PTPRM: variants seen among roughly 807,000 people sequenced by gnomAD.
PTPRM encodes the protein protein tyrosine phosphatase receptor type M, also known as receptor-type tyrosine-protein phosphatase mu.
In PTPRM, 47 loss-of-function variants were observed where a neutral mutation model predicts 186.7. The ratio of observed to expected loss-of-function variants is 0.25; its 90% CI spans 0.20 to 0.32. The LOEUF is 0.32. Among genes scored for constraint, PTPRM ranks in the 10% least tolerant of loss-of-function variants. The pLI, the probability that PTPRM is intolerant of heterozygous loss-of-function variation, is 1.00. For missense variants in PTPRM, 1,494 were observed against 1,865.0 expected, an observed-to-expected ratio of 0.80 and a Z score of 3.66; for synonymous variants, 668 against 674.9, an observed-to-expected ratio of 0.99 and a Z score of 0.16.
At chr18:7,686,662 G>T (rs1455652729) in intron 1 of PTPRM, among the ~76,000 whole-genome samples, 1 of 151,770 alleles carries the variant, frequency 6.6e-6, no homozygotes, top group Non-Finnish European at 1.5e-5. Context: ...TTTGTAAGGT[G>T]AATATAAACT....
intron 7 of PTPRM, among the ~76,000 whole-genome samples, chr18:7,999,385 C>T (rs977104442): frequency 6.6e-6 from 1 of 151,996 alleles, no homozygotes; most frequent in African/African-American, 2.4e-5. Flanking sequence ...GGTATATAAC[C>T]AGTATTTACC....
chr18:8,359,816 C>T (rs866403513), intron 23 of PTPRM, among the ~76,000 whole-genome samples: 33 of 152,268 alleles, frequency 2.2e-4, no homozygotes, highest in African/African-American at 7.5e-4. Flanking sequence ...CTGCAATAGT[C>T]TGCCTTCCTT....
Position 8,387,172 on chromosome 18 carries a change from G to A in PTPRM, c.4145G>A (p.Arg1382His), listed in dbSNP as rs145737173. 1.5e-5 allele frequency: 25 copies of A among 1,613,676 alleles called. No individual in the cohort carries two copies. Among genetic ancestry groups the A allele is most frequent in the Admixed American group, 8.3e-5 (5 of 60,022 alleles). ...AAGCGCTCCTTCTTGAAGCTCATTCGCCAGGTGGACAAGTGGCAAGAGGAG... is the reference window on the plus strand; with the variant it reads ...AAGCGCTCCTTCTTGAAGCTCATTCACCAGGTGGACAAGTGGCAAGAGGAG... Reference protein sequence around the residue: ...VSKRSFLKLIRQVDKWQEEYN... With the variant: ...VSKRSFLKLIHQVDKWQEEYN... The change falls in exon 31 of 33, where the codon CGC becomes CAC. Residue 1382 changes from arginine to histidine, a missense_variant. By Grantham distance (29) the Arg-to-His change is conservative (BLOSUM62 0). This residue lies in a region of PTPRM where 1,107 missense variants were observed against 1,350.2 expected (regional missense o/e 0.82). Transcript: ENST00000580170.
At chr18:8,282,680 AT>A (rs1273973682) in intron 19 of PTPRM, among the ~76,000 whole-genome samples, 1 of 152,166 alleles carries the variant, frequency 6.6e-6, no homozygotes, top group Non-Finnish European at 1.5e-5. Context: ...AACAGCAACA[AT>A]AACAACAACA....
chr18:7,871,613 T>G (rs2146188813), intron 2 of PTPRM, among the ~76,000 whole-genome samples: 1 of 152,280 alleles, frequency 6.6e-6, no homozygotes, highest in African/African-American at 2.4e-5. Flanking sequence ...CCCAGCCTGT[T>G]CTCCATCTGT....
intron 4 of PTPRM, among the ~76,000 whole-genome samples, chr18:7,914,065 T>C (rs1483987320): frequency 6.6e-6 from 1 of 152,168 alleles, no homozygotes; most frequent in East Asian, 1.9e-4. Flanking sequence ...TTTAGATTTT[T>C]TAATGAAGAT....
chr18:7,979,711 C>A (rs1044145757), intron 7 of PTPRM, among the ~76,000 whole-genome samples: 1 of 152,164 alleles, frequency 6.6e-6, no homozygotes, highest in African/African-American at 2.4e-5. Flanking sequence ...CAGGCACTGG[C>A]ATTTTGTGTT....
intron 13 of PTPRM, among the ~76,000 whole-genome samples, chr18:8,135,614 C>A (rs2092620086): frequency 6.6e-6 from 1 of 152,120 alleles, no homozygotes; most frequent in South Asian, 2.1e-4. Flanking sequence ...AAACACAACG[C>A]CACAATAAAT....
intron 4 of PTPRM, among the ~76,000 whole-genome samples, chr18:7,909,497 T>C (rs574910324): frequency 6.6e-6 from 1 of 152,326 alleles, no homozygotes; most frequent in South Asian, 2.1e-4. Context: ...GGGGGAAGCA[T>C]GCAAATAAAG....
chr18:8,396,874 A>G (rs1177553017), intron 32 of PTPRM, among the ~76,000 whole-genome samples: 1 of 152,246 alleles, frequency 6.6e-6, no homozygotes, highest in Non-Finnish European at 1.5e-5. Flanking sequence ...CCAGAACTGA[A>G]TAGGACCTGT....
At chr18:7,782,338 GGAAGGAAGGAAGGAAA>G (rs1392923411) in intron 2 of PTPRM, among the ~76,000 whole-genome samples, 7 of 151,880 alleles carry the variant, frequency 4.6e-5, no homozygotes, top group East Asian at 3.9e-4. Context: ...ATGTTAATTA[GGAAGGAAGGAAGGAAA>G]GAAGGAAGGA....
chr18:8,244,079 A>G lies in PTPRM; in HGVS notation c.2322A>G (p.Lys774=). 4.3e-6 allele frequency: 7 copies of G among 1,609,804 alleles called. No homozygotes were observed. Among genetic ancestry groups the G allele is most frequent in the South Asian group, 1.1e-5 (1 of 89,858 alleles). ...TAAGGAAACTGGCCAAGAAGCGGAA[A>G]GAGACCATGAGCAGCACCCGACAGG... ...MKKRKLAKKR[K]ETMSSTRQEM... is the part of the protein sequence containing the mutation. The change falls in exon 15 of 33, where the codon AAA becomes AAG. Residue 774 remains lysine, a synonymous_variant. Transcript: ENST00000580170.
chr18:7,752,448 T>G (rs1389002580), intron 1 of PTPRM, among the ~76,000 whole-genome samples: 1 of 151,928 alleles, frequency 6.6e-6, no homozygotes. Context: ...TAAGACGGAG[T>G]CTCTTGCTCT....
rs1028172568 is a variant in PTPRM at position 8,389,575 on chromosome 18, C to G, written c.4208+2340C>G. On this transcript the variant is annotated intron_variant, in intron 31 of 32. Transcript: ENST00000580170. ...TTGATTATTCTTTGGAATACTCCCC[C>G]CTCCCTAAAGCCCCGCCTCTGTTCA... is the stretch of plus-strand genomic sequence containing the variant. 2.0e-5 allele frequency among the ~76,000 whole-genome samples: 3 copies of G among 152,330 alleles called. 1 individual carries two copies. In the Middle Eastern group the frequency reaches 0.01, roughly 518 times the overall value.
At chr18:7,620,813 A>T (rs1197760677) in intron 1 of PTPRM, among the ~76,000 whole-genome samples, 1 of 152,216 alleles carries the variant, frequency 6.6e-6, no homozygotes, top group African/African-American at 2.4e-5. Context: ...GTGATTAAAT[A>T]GGCATAGTTG....
chr18:7,685,634 G>A (rs1173571749), intron 1 of PTPRM, among the ~76,000 whole-genome samples: 1 of 152,132 alleles, frequency 6.6e-6, no homozygotes, highest in Non-Finnish European at 1.5e-5. Context: ...GGCAAATGTA[G>A]CATTACCATG....
At chr18:8,286,093 A>C (rs180775823) in intron 19 of PTPRM, among the ~76,000 whole-genome samples, 1 of 152,338 alleles carries the variant, frequency 6.6e-6, no homozygotes, top group African/African-American at 2.4e-5. Flanking sequence ...TGAGGGGATG[A>C]GGGAAGTGCT....
chr18:7,852,137 C>T (rs954198971), intron 2 of PTPRM, among the ~76,000 whole-genome samples: 23 of 152,204 alleles, frequency 1.5e-4, no homozygotes, highest in African/African-American at 5.5e-4. Context: ...CAATAGAGAG[C>T]TCAAACCCAA....
At chr18:7,856,935 G>A (rs1246879838) in intron 2 of PTPRM, among the ~76,000 whole-genome samples, 1 of 152,134 alleles carries the variant, frequency 6.6e-6, no homozygotes, top group Non-Finnish European at 1.5e-5. Context: ...AGAGCAAAAT[G>A]GGAGCATTAT....
Sources: gnomAD v4.1 joint callset for allele counts (sites outside exome capture counted in the v4.1 genomes callset) on GRCh38, gnomAD v4.1.1 for gene constraint, gnomAD v4.1.1 regional missense constraint, MANE v1.5 for transcripts, NCBI Gene and HGNC (gene_info 2026-07-23, HGNC 2026-07-21) for gene names.